Variants in DMD observed in about 807,000 individuals in gnomAD.
The protein encoded by DMD is dystrophin.
DMD carries 63 observed loss-of-function variants against 330.1 expected under a neutral mutation model. That is an observed-to-expected ratio of 0.19 (90% CI 0.16 to 0.24). DMD has a LOEUF of 0.24. DMD is among the 10% of genes least tolerant of loss of function. The pLI is 1.00. For synonymous variants in DMD, 1,223 were observed against 959.8 expected (o/e 1.27, Z -5.07); for missense variants, 3,344 against 2,684.1 (o/e 1.25, Z -5.43).
chrX:32,192,906 C>T lies in DMD; in HGVS notation c.6438+24010G>A, dbSNP rs377547528. Among the ~76,000 whole-genome samples, 6 of 111,840 alleles carry T rather than the reference C, an allele frequency of 5.4e-5. No homozygotes were observed. In the East Asian group the frequency reaches 1.7e-3, roughly 31 times the overall value. On this transcript the variant is annotated intron_variant, in intron 44 of 78. Transcript: ENST00000357033. ...TGGATATCATTTGGATATGTGTCCCCGCCCAAATCTCATCTTGAAATGTAA... is the reference window on the plus strand; with the variant it reads ...TGGATATCATTTGGATATGTGTCCCTGCCCAAATCTCATCTTGAAATGTAA...
chrX:33,115,975 C>T (rs1056456899), intron 1 of DMD, among the ~76,000 whole-genome samples: 8 of 109,524 alleles, frequency 7.3e-5, no homozygotes, highest in African/African-American at 2.6e-4. Context: ...CAGAGGATCA[C>T]CTGAGGTCAG....
chrX:31,970,575 A>G (rs2095390085), intron 44 of DMD, among the ~76,000 whole-genome samples: 1 of 110,912 alleles, frequency 9.0e-6, no homozygotes, highest in Non-Finnish European at 1.9e-5. Flanking sequence ...AATTTAAAGA[A>G]TCGTAGAACT....
At chrX:31,275,612 G>GA in intron 62 of DMD, among the ~76,000 whole-genome samples, 1 of 110,992 alleles carries the variant, frequency 9.0e-6, no homozygotes, top group South Asian at 3.8e-4. Context: ...TTTTAAAATA[G>GA]AATTAAATTT....
intron 43 of DMD, among the ~76,000 whole-genome samples, chrX:32,260,870 G>T (rs1002621139): frequency 8.9e-6 from 1 of 111,924 alleles, no homozygotes; most frequent in Non-Finnish European, 1.9e-5. Context: ...TGGAATAAGG[G>T]TATTTTAGAG....
chrX:32,287,743 C>A (rs1174396600), intron 42 of DMD, 42 bp from the exon 43 acceptor site: 1 of 962,987 alleles, frequency 1.0e-6, no homozygotes, highest in Non-Finnish European at 1.4e-6. Flanking sequence ...AATGAATTAG[C>A]TGTCTATAGA....
At chrX:32,369,761 T>C (rs1031467933) in intron 34 of DMD, among the ~76,000 whole-genome samples, 1 of 111,215 alleles carries the variant, frequency 9.0e-6, no homozygotes, top group African/African-American at 3.3e-5. Flanking sequence ...ACCCCCTCTT[T>C]TTAAACAAAT....
In DMD at chrX:31,147,422, G is replaced by A; in HGVS notation, c.10650C>T (p.Pro3550=). Residue 3550 remains proline, a synonymous_variant, in exon 75 of 79, where the codon CCC becomes CCT. Transcript: ENST00000357033. ...PSPPEMMPTS[P]QSPRDAELIA... is the part of the protein sequence containing the mutation. ...TGAGCTCAGCATCCCGGGGACTCTGGGGAGAGGTGGGCATCATTTCAGGAG... is the reference window on the plus strand; with the variant it reads ...TGAGCTCAGCATCCCGGGGACTCTGAGGAGAGGTGGGCATCATTTCAGGAG... 8.3e-7 allele frequency: 1 copy of A among 1,209,303 alleles called. No individual in the cohort carries two copies. Among genetic ancestry groups the A allele is most frequent in the Non-Finnish European group, 1.1e-6 (1 of 894,112 alleles).
intron 7 of DMD, among the ~76,000 whole-genome samples, chrX:32,743,705 T>C (rs1446158905): frequency 9.0e-6 from 1 of 111,001 alleles, no homozygotes; most frequent in Admixed American, 9.7e-5. Context: ...TATTTTGCTC[T>C]CAGTAGAACA....
chrX:31,304,198 G>A (rs2148115587), intron 62 of DMD, among the ~76,000 whole-genome samples: 2 of 111,822 alleles, frequency 1.8e-5, no homozygotes, highest in East Asian at 5.6e-4. Context: ...TACTAACTTG[G>A]CTAATTATGG....
chrX:31,729,774 T>TC (rs959801860), intron 51 of DMD, 26 bp from the exon 52 acceptor site: 8 of 1,109,654 alleles, frequency 7.2e-6, no homozygotes, highest in Admixed American at 6.6e-5. Context: ...TCCCTTAGTA[T>TC]CAGGGTTCTT....
At chrX:33,027,175 G>T (rs2094019737) in intron 1 of DMD, among the ~76,000 whole-genome samples, 1 of 112,098 alleles carries the variant, frequency 8.9e-6, no homozygotes, top group Non-Finnish European at 1.9e-5. Flanking sequence ...GATTATCCCA[G>T]ATTATCTGAG....
At chrX:31,688,593 G>A (rs1256857796) in intron 52 of DMD, among the ~76,000 whole-genome samples, 4 of 111,904 alleles carry the variant, frequency 3.6e-5, no homozygotes, top group African/African-American at 9.8e-5. Context: ...AATAGAAAAA[G>A]AGGGAATCCT....
chrX:32,076,613 A>T (rs1367624241), intron 44 of DMD, among the ~76,000 whole-genome samples: 1 of 110,824 alleles, frequency 9.0e-6, no homozygotes, highest in African/African-American at 3.3e-5. Flanking sequence ...TCTCTTGACC[A>T]TGTGATCCGC....
intron 8 of DMD, 21 bp from the exon 9 acceptor site, chrX:32,698,019 G>T: frequency 3.4e-6 from 4 of 1,178,262 alleles, no homozygotes; most frequent in Non-Finnish European, 4.6e-6. Flanking sequence ...GGGTTTGGGG[G>T]AGTGGATAGA....
At chrX:32,891,740 T>C (rs1322651348) in intron 2 of DMD, among the ~76,000 whole-genome samples, 1 of 111,958 alleles carries the variant, frequency 8.9e-6, no homozygotes, top group Non-Finnish European at 1.9e-5. Flanking sequence ...ATCACTACAT[T>C]ATGTACCCAT....
At chrX:33,322,856 A>T (rs2054035550) in intron 1 of DMD, among the ~76,000 whole-genome samples, 1 of 111,891 alleles carries the variant, frequency 8.9e-6, no homozygotes, top group African/African-American at 3.2e-5. Flanking sequence ...GAAATTTTTC[A>T]ATGGCAAAAT....
chrX:33,295,871 G>A (rs1181244660), intron 1 of DMD, among the ~76,000 whole-genome samples: 1 of 111,262 alleles, frequency 9.0e-6, no homozygotes, highest in Non-Finnish European at 1.9e-5. Context: ...CTATCCTTAG[G>A]GAGCTAAAAT....
chrX:32,755,772 G>T (rs1225980252), intron 7 of DMD, among the ~76,000 whole-genome samples: 1 of 111,836 alleles, frequency 8.9e-6, no homozygotes, highest in African/African-American at 3.2e-5. Context: ...CCTCAATTGG[G>T]AAGTGATCAA....
chrX:33,029,361 T>G (rs1248958546), intron 1 of DMD, among the ~76,000 whole-genome samples: 1 of 112,374 alleles, frequency 8.9e-6, no homozygotes, highest in Non-Finnish European at 1.9e-5. Context: ...CTAGGTGAAT[T>G]TCACTCTGTA....
Sources: gnomAD v4.1 joint callset for allele counts (sites outside exome capture counted in the v4.1 genomes callset) on GRCh38, gnomAD v4.1.1 for gene constraint, MANE v1.5 for transcripts, NCBI Gene and HGNC (gene_info 2026-07-23, HGNC 2026-07-21) for gene names.